Variants in COL8A1 observed in about 807,000 individuals in gnomAD.
The protein encoded by COL8A1 is collagen type VIII alpha 1 chain.
A neutral mutation model predicts 42.7 loss-of-function variants in COL8A1; 21 were observed. The observed-to-expected ratio is 0.49, with a 90% confidence interval of 0.35 to 0.71. The LOEUF (loss-of-function observed/expected upper bound fraction) is 0.71. COL8A1 is among the 30% of genes least tolerant of loss of function. The pLI is 0.01. For synonymous variants in COL8A1, 367 were observed against 369.1 expected (o/e 0.99, Z 0.06); for missense variants, 788 against 962.4 (o/e 0.82, Z 2.40).
In COL8A1 at chr3:99,796,346, A is replaced by T; in HGVS notation, c.*210A>T. ...GCAGCCTGTAATTGCGAATGATGGG[A>T]TAGAGTTATGTATCAAGTACTGACA... is the stretch of plus-strand genomic sequence containing the variant. On this transcript the variant is annotated 3_prime_UTR_variant, in exon 4 of 4. Coordinates refer to ENST00000652472, the MANE Select transcript of COL8A1 (RefSeq NM_020351.4). The T allele has an allele frequency of 2.2e-6, 1 of 449,012 alleles. No individual in the cohort carries two copies. The highest frequency in any genetic ancestry group is 3.9e-6 in the Non-Finnish European group (1 of 254,220). The allele number at this position is 449,012 out of a possible 1,614,324, so 27.8% of individuals were successfully genotyped here.
At chr3:99,738,450 A>T (rs901124338) in intron 1 of COL8A1, among the ~76,000 whole-genome samples, 2 of 152,096 alleles carry the variant, frequency 1.3e-5, no homozygotes, top group African/African-American at 4.8e-5. Flanking sequence ...AACAGACAGG[A>T]CCCTCAGCTG....
intron 1 of COL8A1, among the ~76,000 whole-genome samples, chr3:99,726,101 G>A (rs937287266): frequency 1.3e-5 from 2 of 152,032 alleles, no homozygotes; most frequent in African/African-American, 4.8e-5. Flanking sequence ...TTTAATGATT[G>A]CCATTCTAAC....
chr3:99,793,697 A>C (rs565240610), intron 3 of COL8A1, among the ~76,000 whole-genome samples: 49 of 152,298 alleles, frequency 3.2e-4, no homozygotes, highest in African/African-American at 1.2e-3. Flanking sequence ...GTTATCAAAA[A>C]AATACCTCAA....
At chr3:99,769,345 T>C (rs1201107280) in intron 2 of COL8A1, among the ~76,000 whole-genome samples, 1 of 152,256 alleles carries the variant, frequency 6.6e-6, no homozygotes, top group African/African-American at 2.4e-5. Flanking sequence ...GCCATCATTT[T>C]ACCAGGGACA....
chr3:99,655,474 A>G (rs1576415740), intron 1 of COL8A1, among the ~76,000 whole-genome samples: 1 of 152,328 alleles, frequency 6.6e-6, no homozygotes, highest in East Asian at 1.9e-4. Context: ...ATGACCCTGA[A>G]ATACTGTGAG....
intron 2 of COL8A1, among the ~76,000 whole-genome samples, chr3:99,785,231 T>G (rs1941871166): frequency 6.6e-6 from 1 of 152,230 alleles, no homozygotes; most frequent in Admixed American, 6.5e-5. Flanking sequence ...GAGGGCTTTC[T>G]GTCAACAACC....
At chr3:99,691,734 C>T (rs1939227393) in intron 1 of COL8A1, 1 of 146,802 alleles carries the variant, frequency 6.8e-6, no homozygotes, top group Non-Finnish European at 1.5e-5. Flanking sequence ...TCTAGTAATC[C>T]AAGCCCTCTC....
At chr3:99,730,363 C>T (rs668211) in intron 1 of COL8A1, among the ~76,000 whole-genome samples, 151,839 of 152,254 alleles carry the variant, frequency 1, 75,714 homozygotes, top group Middle Eastern at 1. Context: ...TATCAAAACT[C>T]CTGCCTGATC....
rs771060672 is a variant in COL8A1, at chr3:99,794,749, AG to A, written c.851del (p.Gly284AlafsTer97). On this transcript the variant is annotated frameshift_variant, in exon 4 of 4. Coordinates refer to ENST00000652472, the MANE Select transcript of COL8A1 (RefSeq NM_020351.4). LOFTEE classifies it high-confidence loss of function. This position sits in a 1 kb window ranked among gnomAD's most constrained non-coding sequence, Gnocchi z 4.3. ...GGAGTGACAGGCTTCCCTGGGCCCC[AG>A]GGCCCCCTGGGAAAGCCAGGGGCTC... ...KPGVTGFPGP[Q>X]GPLGKPGAPG... 1 of 1,598,736 alleles carries A rather than the reference AG, an allele frequency of 6.3e-7. No homozygotes were observed. Among genetic ancestry groups the A allele is most frequent in the African/African-American group, 1.4e-5 (1 of 73,738 alleles).
intron 2 of COL8A1, among the ~76,000 whole-genome samples, chr3:99,764,929 A>AT (rs1390619061): frequency 6.6e-6 from 1 of 151,782 alleles, no homozygotes; most frequent in African/African-American, 2.4e-5. Flanking sequence ...AAACCATCCC[A>AT]TAATTCAAGT....
chr3:99,746,715 A>C (rs1941033926), intron 2 of COL8A1, among the ~76,000 whole-genome samples: 1 of 152,244 alleles, frequency 6.6e-6, no homozygotes, highest in African/African-American at 2.4e-5. Flanking sequence ...AAGGCCATTC[A>C]ATAAACTATT....
chr3:99,788,480 C>G (rs1163756925), intron 2 of COL8A1, among the ~76,000 whole-genome samples: 2 of 152,176 alleles, frequency 1.3e-5, no homozygotes, highest in Non-Finnish European at 2.9e-5. Flanking sequence ...CACCACAAGT[C>G]TGGGGTTCCA....
At chr3:99,669,569 T>C (rs977979695) in intron 1 of COL8A1, among the ~76,000 whole-genome samples, 7 of 151,988 alleles carry the variant, frequency 4.6e-5, no homozygotes, top group Non-Finnish European at 1.0e-4. Flanking sequence ...GGCTCAGAGA[T>C]AATAGGTCTA....
intron 1 of COL8A1, among the ~76,000 whole-genome samples, chr3:99,707,347 T>G (rs1162844969): frequency 6.6e-6 from 1 of 152,222 alleles, no homozygotes; most frequent in Admixed American, 6.5e-5. Context: ...AACCAGGCTC[T>G]CAAGCCCTCA....
rs116665201 is a variant in COL8A1 at position 99,796,527 on chromosome 3, T to C, written c.*391T>C. 743 of 158,344 alleles carry C rather than the reference T, an allele frequency of 4.7e-3. 7 individuals carry two copies. Among genetic ancestry groups the C allele is most frequent in the African/African-American group, 0.017 (725 of 41,784 alleles). The allele number at this position is 158,344 out of a possible 1,614,324, so 9.8% of individuals were successfully genotyped here. A position where few individuals can be genotyped will look rare whatever the true frequency, so the allele number is the denominator to read the frequency against. ...GTTTACTTTAAAATATTTATAAATATGCCTTAAAGAAATACAAATGATAAC... is the reference window on the plus strand; with the variant it reads ...GTTTACTTTAAAATATTTATAAATACGCCTTAAAGAAATACAAATGATAAC... On this transcript the variant is annotated 3_prime_UTR_variant, in exon 4 of 4. Transcript: ENST00000652472.
At chr3:99,738,090 C>T (rs1460680333) in intron 1 of COL8A1, among the ~76,000 whole-genome samples, 1 of 152,156 alleles carries the variant, frequency 6.6e-6, no homozygotes, top group Non-Finnish European at 1.5e-5. Flanking sequence ...GTCCTTTAAG[C>T]ACTTCTCTGT....
At chr3:99,721,987 T>A (rs148796816) in intron 1 of COL8A1, among the ~76,000 whole-genome samples, 4 of 152,092 alleles carry the variant, frequency 2.6e-5, no homozygotes, top group Admixed American at 2.6e-4. Context: ...TGAAAATTGA[T>A]ACTCAATAGA....
chr3:99,708,389 G>A (rs1425509914), intron 1 of COL8A1, among the ~76,000 whole-genome samples: 3 of 152,006 alleles, frequency 2.0e-5, no homozygotes, highest in African/African-American at 7.2e-5. Flanking sequence ...TCATTGTTGG[G>A]TCTCCATTCC....
chr3:99,717,619 G>A (rs565486683), intron 1 of COL8A1, among the ~76,000 whole-genome samples: 115 of 152,088 alleles, frequency 7.6e-4, no homozygotes, highest in African/African-American at 2.5e-3. Flanking sequence ...AGCCCTCACC[G>A]AATTAAGTAG....
Sources: gnomAD v4.1 joint callset for allele counts (sites outside exome capture counted in the v4.1 genomes callset) on GRCh38, gnomAD v4.1.1 for gene constraint, Gnocchi (gnomAD v3.1) non-coding constraint, MANE v1.5 for transcripts, NCBI Gene and HGNC (gene_info 2026-07-23, HGNC 2026-07-21) for gene names.